DACH2: variants seen among roughly 807,000 people sequenced by gnomAD.
DACH2 encodes dachshund family transcription factor 2.
A neutral mutation model predicts 35.8 loss-of-function variants in DACH2; 17 were observed. The ratio of observed to expected loss-of-function variants is 0.48; its 90% CI spans 0.33 to 0.71. The LOEUF is 0.71. Ranked by LOEUF, DACH2 falls within the 30% of genes least tolerant of loss-of-function variation. DACH2 has a pLI of 0.02. For synonymous variants in DACH2, 195 were observed against 177.3 expected (o/e 1.10, Z -0.79); for missense variants, 469 against 472.7 (o/e 0.99, Z 0.07).
At chrX:86,718,538 ATAAATACT>A (rs1477316586) in intron 6 of DACH2, among the ~76,000 whole-genome samples, 2 of 111,845 alleles carry the variant, frequency 1.8e-5, no homozygotes, top group Non-Finnish European at 3.8e-5. Context: ...CATCTTATTC[ATAAATACT>A]TTGCCTAGAC....
At chrX:86,528,209 G>C (rs2038661525) in intron 3 of DACH2, among the ~76,000 whole-genome samples, 1 of 111,335 alleles carries the variant, frequency 9.0e-6, no homozygotes, top group South Asian at 3.8e-4. Context: ...GTTTTGCTTA[G>C]GGTCAGTCTA....
At chrX:86,323,995 A>G (rs1433215071) in intron 1 of DACH2, among the ~76,000 whole-genome samples, 17 of 111,766 alleles carry the variant, frequency 1.5e-4, no homozygotes, top group Admixed American at 1.0e-3. Flanking sequence ...CACTTTTCTG[A>G]TGAATTTGCC....
At chrX:86,519,641 G>A (rs2148276031) in intron 3 of DACH2, among the ~76,000 whole-genome samples, 1 of 111,258 alleles carries the variant, frequency 9.0e-6, no homozygotes, top group South Asian at 3.8e-4. Context: ...GTATGTCCAG[G>A]AATTTATCCA....
chrX:86,349,696 T>G (rs1175318160), intron 1 of DACH2, among the ~76,000 whole-genome samples: 1 of 112,494 alleles, frequency 8.9e-6, no homozygotes, highest in African/African-American at 3.2e-5. Context: ...TTAAATACTC[T>G]TATACATCAA....
intron 3 of DACH2, among the ~76,000 whole-genome samples, chrX:86,627,556 C>T (rs1350975016): frequency 9.0e-6 from 1 of 111,553 alleles, no homozygotes; most frequent in Non-Finnish European, 1.9e-5. Context: ...CTGTCTAAAT[C>T]TCTTGTTTCT....
chrX:86,295,169 T>A lies in DACH2; in HGVS notation c.489-81655T>A, dbSNP rs761853020. Among the ~76,000 whole-genome samples the A allele has an allele frequency of 8.9e-5, 10 of 112,042 alleles. No individual in the cohort carries two copies. In the South Asian group the frequency reaches 1.5e-3, roughly 17 times the overall value. ...GAAAAGCACAGTATTCGGGTGGGAG[T>A]GACCCGATTTTCCAGGTGCCGTCTG... On this transcript the variant is annotated intron_variant, in intron 1 of 11. Coordinates refer to ENST00000373125, the MANE Select transcript of DACH2 (RefSeq NM_053281.3).
In DACH2 at chrX:86,639,100, T is replaced by A. The variant is rs185455293; in HGVS notation, c.641-11936T>A. 2.9e-3 allele frequency among the ~76,000 whole-genome samples: 328 copies of A among 111,864 alleles called. 4 individuals carry two copies. Among genetic ancestry groups the A allele is most frequent in the African/African-American group, 0.01 (309 of 30,777 alleles). ...TAGAAGCAGCTAGTGTGTGTGGTTC[T>A]CACAGAGAGGAACAGAGAGGAAGAG... On this transcript the variant is annotated intron_variant, in intron 3 of 11. Transcript: ENST00000373125.
intron 7 of DACH2, among the ~76,000 whole-genome samples, chrX:86,744,594 C>A (rs1431251338): frequency 1.8e-5 from 2 of 111,136 alleles, no homozygotes; most frequent in East Asian, 5.7e-4. Flanking sequence ...TAAGACATAC[C>A]TTTAGAGTAT....
chrX:86,297,038 A>G (rs1435515685), intron 1 of DACH2, among the ~76,000 whole-genome samples: 1 of 53,731 alleles, frequency 1.9e-5, no homozygotes, highest in Non-Finnish European at 3.1e-5. Context: ...AATAAATATA[A>G]TTGTGTATAT....
intron 1 of DACH2, among the ~76,000 whole-genome samples, chrX:86,250,649 T>C (rs2033380648): frequency 9.0e-6 from 1 of 111,694 alleles, no homozygotes; most frequent in African/African-American, 3.2e-5. Flanking sequence ...ACATTCTTAT[T>C]ATAAACAGTG....
chrX:86,211,446 A>C (rs1004853175), intron 1 of DACH2, among the ~76,000 whole-genome samples: 1 of 111,636 alleles, frequency 9.0e-6, no homozygotes, highest in Non-Finnish European at 1.9e-5. Context: ...TGTCAAGCAT[A>C]GCTGGCTCAT....
chrX:86,470,387 C>A (rs1473264335), intron 2 of DACH2, among the ~76,000 whole-genome samples: 1 of 111,371 alleles, frequency 9.0e-6, no homozygotes. Context: ...TAGATGATGT[C>A]TTTTCTAACA....
chrX:86,464,289 G>A (rs2037627067), intron 2 of DACH2, among the ~76,000 whole-genome samples: 1 of 111,199 alleles, frequency 9.0e-6, no homozygotes, highest in Non-Finnish European at 1.9e-5. Context: ...ATCAATTATA[G>A]ACTAGATAAA....
At chrX:86,219,582 C>T (rs921263281) in intron 1 of DACH2, among the ~76,000 whole-genome samples, 1 of 111,397 alleles carries the variant, frequency 9.0e-6, no homozygotes, top group Non-Finnish European at 1.9e-5. Context: ...TTTAACACAA[C>T]ATTTTATTAT....
At chrX:86,456,164 C>A (rs772546327) in intron 2 of DACH2, among the ~76,000 whole-genome samples, 29 of 111,933 alleles carry the variant, frequency 2.6e-4, no homozygotes, top group Admixed American at 6.6e-4. Context: ...AAGTTGTTTG[C>A]CTAGTGAGTT....
intron 2 of DACH2, among the ~76,000 whole-genome samples, chrX:86,422,532 A>T (rs181142153): frequency 1.4e-3 from 151 of 110,134 alleles, no homozygotes; most frequent in African/African-American, 4.1e-3. Flanking sequence ...TTTTTAAAAA[A>T]TTTTTTTGTG....
intron 3 of DACH2, among the ~76,000 whole-genome samples, chrX:86,546,974 T>A (rs2038983914): frequency 9.0e-6 from 1 of 111,401 alleles, no homozygotes; most frequent in African/African-American, 3.3e-5. Context: ...CTTGACCCTG[T>A]CCTCCCTTGC....
At chrX:86,551,334 C>T (rs1338186130) in intron 3 of DACH2, among the ~76,000 whole-genome samples, 1 of 111,624 alleles carries the variant, frequency 9.0e-6, no homozygotes, top group African/African-American at 3.3e-5. Context: ...TGAAGGCATC[C>T]TTGAATATTA....
chrX:86,735,615 T>A (rs2147255016), intron 6 of DACH2, among the ~76,000 whole-genome samples: 1 of 111,728 alleles, frequency 9.0e-6, no homozygotes, highest in African/African-American at 3.2e-5. Flanking sequence ...TTATTGAAGA[T>A]TGTATTACTA....
Sources: allele counts gnomAD v4.1 joint callset (sites outside exome capture counted in the v4.1 genomes callset), GRCh38; gene constraint gnomAD v4.1.1; transcripts MANE v1.5; gene names NCBI Gene and HGNC (gene_info 2026-07-23, HGNC 2026-07-21).